Variants in PLCH2 observed in about 807,000 individuals in gnomAD.
PLCH2 encodes phospholipase C eta 2.
In PLCH2, 98 loss-of-function variants were observed where a neutral mutation model predicts 134.7. The ratio of observed to expected loss-of-function variants is 0.73; its 90% CI spans 0.62 to 0.86. The LOEUF is 0.86. PLCH2 is among the 40% of genes least tolerant of loss of function. PLCH2 has a pLI of 0.00. For synonymous variants in PLCH2, 974 were observed against 827.5 expected, an observed-to-expected ratio of 1.18 and a Z score of -3.04; for missense variants, 1,994 against 1,986.6, an observed-to-expected ratio of 1.00 and a Z score of -0.07.
At position 2,489,389 on chromosome 1, in the gene PLCH2, C is replaced by T. The variant is rs748645627; in HGVS notation, c.1407+11C>T. 3.7e-6 allele frequency: 6 copies of T among 1,612,782 alleles called. No homozygotes were observed. In the South Asian group the frequency reaches 4.4e-5, roughly 12 times the overall value. ...AAGATCCTCGTGAAGGTGAGTGAGCCCCTGCCCTCCTGGGACCAGCTCACA... is the reference window on the plus strand; with the variant it reads ...AAGATCCTCGTGAAGGTGAGTGAGCTCCTGCCCTCCTGGGACCAGCTCACA... On this transcript the variant is annotated intron_variant, in intron 9 of 21. Transcript: ENST00000378486.
At chr1:2,461,911 C>T (rs999996073) in intron 2 of PLCH2, among the ~76,000 whole-genome samples, 4 of 152,058 alleles carry the variant, frequency 2.6e-5, no homozygotes, top group Non-Finnish European at 4.4e-5. Flanking sequence ...GCCATCCACC[C>T]GGGACCCCCT....
chr1:2,472,450 G>T (rs1237034145), upstream of PLCH2, among the ~76,000 whole-genome samples: 1 of 152,222 alleles, frequency 6.6e-6, no homozygotes, highest in Non-Finnish European at 1.5e-5. Flanking sequence ...GGGCAGGGGG[G>T]CGCGGAAGAG....
intron 2 of PLCH2, among the ~76,000 whole-genome samples, chr1:2,431,330 C>CGTGTGT (rs35263617): frequency 6.6e-6 from 1 of 151,110 alleles, no homozygotes; most frequent in East Asian, 2.0e-4. Context: ...TGCCCAAGTG[C>CGTGTGT]GTGTGTGTGT....
chr1:2,454,981 G>A (rs1355576226), intron 2 of PLCH2, among the ~76,000 whole-genome samples: 1 of 152,132 alleles, frequency 6.6e-6, no homozygotes, highest in African/African-American at 2.4e-5. Flanking sequence ...GGGCAGCCAG[G>A]CCTCGGCCCC....
In PLCH2 at chr1:2,504,510, G is replaced by T. The variant is rs369181079; in HGVS notation, c.3548G>T (p.Arg1183Met). 8.7e-6 allele frequency: 14 copies of T among 1,612,322 alleles called. No individual in the cohort carries two copies. The highest frequency in any genetic ancestry group is 1.2e-5 in the Non-Finnish European group (14 of 1,179,678). Residue 1183 changes from arginine to methionine, a missense_variant, in exon 22 of 22, where the codon AGG becomes ATG. Transcript: ENST00000378486. ...AGAHMGRLPPRPHSASAARPD... is the reference protein window; with the variant it reads ...AGAHMGRLPPMPHSASAARPD... ...GCCCACATGGGACGCCTGCCCCCCA[G>T]GCCCCACTCGGCTTCGGCTGCCCGC...
At chr1:2,419,034 G>A in the PLCH2 span, among the ~76,000 whole-genome samples, 4 of 152,222 alleles carry the variant, frequency 2.6e-5, no homozygotes, top group African/African-American at 7.2e-5. Context: ...CTCTCTCTGC[G>A]GTTGGCACGG....
chr1:2,504,777 G>A lies in PLCH2; in HGVS notation c.3815G>A (p.Gly1272Asp). The A allele has an allele frequency of 6.2e-7, 1 of 1,612,138 alleles. No homozygotes were observed. Among genetic ancestry groups the A allele is most frequent in the East Asian group, 2.2e-5 (1 of 44,850 alleles). ...ADDFAPSFEG[G>D]SRRLSHSLGL... ...GACTTTGCCCCTAGCTTTGAGGGCG[G>A]CTCCCGCAGACTGAGCCACAGCCTG... is the stretch of plus-strand genomic sequence containing the variant. The change falls in exon 22 of 22, where the codon GGC (glycine) becomes GAC (aspartate). Residue 1272 changes from glycine to aspartate, a missense_variant. Gly to Asp is a moderately conservative substitution (Grantham distance 94, BLOSUM62 -1). Coordinates refer to ENST00000378486, the MANE Select transcript of PLCH2 (RefSeq NM_014638.4).
At chr1:2,456,683 C>T (rs1640512562) in intron 2 of PLCH2, among the ~76,000 whole-genome samples, 1 of 152,162 alleles carries the variant, frequency 6.6e-6, no homozygotes, top group Non-Finnish European at 1.5e-5. Context: ...GGGAGCCGCC[C>T]TCCTTGGGCC....
At chr1:2,421,013 C>T (rs1326921046), upstream of PLCH2, among the ~76,000 whole-genome samples, 2 of 150,172 alleles carry the variant, frequency 1.3e-5, no homozygotes, top group Admixed American at 6.6e-5. Flanking sequence ...GGTGCGATCT[C>T]GGCTCACTGC....
At chr1:2,419,345 G>C in the PLCH2 span, among the ~76,000 whole-genome samples, 4 of 152,228 alleles carry the variant, frequency 2.6e-5, no homozygotes, top group Admixed American at 6.5e-5. Context: ...TGCCATTCCT[G>C]GTTGGCCCTG....
At chr1:2,490,550 C>T (rs190476620) in intron 10 of PLCH2, among the ~76,000 whole-genome samples, 1 of 152,286 alleles carries the variant, frequency 6.6e-6, no homozygotes, top group Non-Finnish European at 1.5e-5. Context: ...CCGTTGCTTC[C>T]AGAGGGGCCA....
chr1:2,418,117 T>G, the PLCH2 span, among the ~76,000 whole-genome samples: 1 of 152,172 alleles, frequency 6.6e-6, no homozygotes, highest in Non-Finnish European at 1.5e-5. Flanking sequence ...GTGTGACCGG[T>G]GCGAGGCAGA....
intron 11 of PLCH2, 104 bp from the exon 12 acceptor site, chr1:2,494,752 C>A: frequency 1.3e-6 from 1 of 786,816 alleles, no homozygotes; most frequent in Non-Finnish European, 2.2e-6. Context: ...GGCTCAAGCC[C>A]ACCTCTTCCA....
chr1:2,460,143 G>A (rs116385750), intron 2 of PLCH2, among the ~76,000 whole-genome samples: 2,185 of 152,350 alleles, frequency 0.014, 27 homozygotes, highest in Non-Finnish European at 0.02. Flanking sequence ...GGAGGGGCCC[G>A]TGCCCCCATG....
At chr1:2,474,268 C>G (rs1384509226), upstream of PLCH2, among the ~76,000 whole-genome samples, 1 of 152,156 alleles carries the variant, frequency 6.6e-6, no homozygotes, top group Non-Finnish European at 1.5e-5. Flanking sequence ...CGTCTCTTGG[C>G]CCGGGGCACC....
At chr1:2,440,839 GT>G (rs1639659618) in intron 2 of PLCH2, among the ~76,000 whole-genome samples, 1 of 152,242 alleles carries the variant, frequency 6.6e-6, no homozygotes, top group South Asian at 2.1e-4. Flanking sequence ...TGCTGTTGGT[GT>G]CATCTCTCTG....
rs1331407164 is a variant in PLCH2, at chr1:2,502,187, G to A, written c.2737G>A (p.Gly913Arg). Reference protein sequence around the residue: ...KPGSLDSHAAGRPPARPSVSQ... With the variant: ...KPGSLDSHAARRPPARPSVSQ... ...CGGCTCGCTGGACAGTCATGCTGCTGGGCGGCCCCCGGCCCGGCCCTCCGT... is the reference window on the plus strand; with the variant it reads ...CGGCTCGCTGGACAGTCATGCTGCTAGGCGGCCCCCGGCCCGGCCCTCCGT... The change falls in exon 21 of 22, where the codon GGG becomes AGG. Residue 913 changes from glycine to arginine, a missense_variant. Physicochemically the swap from Gly to Arg is moderately radical, Grantham distance 125. Transcript: ENST00000378486. 5.9e-6 allele frequency: 9 copies of A among 1,533,040 alleles called. No individual in the cohort carries two copies. The highest frequency in any genetic ancestry group is 6.1e-6 in the Non-Finnish European group (7 of 1,141,946). The allele number at this position is 1,533,040 out of a possible 1,614,324, so 95.0% of individuals were successfully genotyped here.
Position 2,491,099 on chromosome 1 carries a change from G to A in PLCH2, c.1516-93G>A. ...AATCACACGCCTTCCCTGAGCCTGG[G>A]GTGGGCAGAGTGCTGTGACCCTGGG... On this transcript the variant is annotated intron_variant, in intron 10 of 21. Coordinates refer to ENST00000378486, the MANE Select transcript of PLCH2 (RefSeq NM_014638.4). The A allele has an allele frequency of 4.0e-6, 5 of 1,255,768 alleles. No individual in the cohort carries two copies. The South Asian group carries it at 7.3e-5, about 18-fold the overall frequency. The allele number at this position is 1,255,768 out of a possible 1,614,324, so 77.8% of individuals were successfully genotyped here.
intron 2 of PLCH2, among the ~76,000 whole-genome samples, chr1:2,447,914 G>A (rs1272043587): frequency 6.6e-6 from 1 of 152,170 alleles, no homozygotes; most frequent in Non-Finnish European, 1.5e-5. Flanking sequence ...CTGGCTGCGG[G>A]ACTTTGGCAG....
Sources: gnomAD v4.1 joint callset for allele counts (sites outside exome capture counted in the v4.1 genomes callset) on GRCh38, gnomAD v4.1.1 for gene constraint, MANE v1.5 for transcripts, NCBI Gene and HGNC (gene_info 2026-07-23, HGNC 2026-07-21) for gene names.